PTPRC: variants seen among roughly 807,000 people sequenced by gnomAD.
PTPRC encodes protein tyrosine phosphatase receptor type C, also known as receptor-type tyrosine-protein phosphatase C.
PTPRC carries 44 observed loss-of-function variants against 155.9 expected under a neutral mutation model. That is an observed-to-expected ratio of 0.28 (90% confidence interval 0.22 to 0.36). PTPRC has a LOEUF of 0.36. PTPRC is among the 10% of genes least tolerant of loss of function. The pLI is 1.00. For missense variants in PTPRC, 1,401 were observed against 1,564.6 expected (o/e 0.90, Z 1.76); for synonymous variants, 525 against 533.1 (o/e 0.98, Z 0.21).
chr1:198,645,107 G>A (rs1488286674), intron 2 of PTPRC, among the ~76,000 whole-genome samples: 2 of 151,654 alleles, frequency 1.3e-5, no homozygotes, highest in African/African-American at 4.8e-5. Flanking sequence ...AAAAGTTGAG[G>A]GTAACTCAGG....
chr1:198,718,907 C>A (rs1466993922), intron 14 of PTPRC, among the ~76,000 whole-genome samples: 2 of 152,208 alleles, frequency 1.3e-5, no homozygotes, highest in African/African-American at 2.4e-5. Flanking sequence ...ATCACACACA[C>A]CTTTCTATGT....
At chr1:198,692,906 ATG>A in intron 3 of PTPRC, 1 of 901,736 alleles carries the variant, frequency 1.1e-6, no homozygotes, top group Non-Finnish European at 1.3e-6. Context: ...TGTCTTAATC[ATG>A]AGATAAATTT....
At chr1:198,738,393 A>C (rs755469226) in intron 23 of PTPRC, among the ~76,000 whole-genome samples, 4 of 151,868 alleles carry the variant, frequency 2.6e-5, no homozygotes, top group Non-Finnish European at 4.4e-5. Flanking sequence ...ATTTTTCAGC[A>C]TCAATTGAAA....
At chr1:198,740,018 A>C (rs539593461) in intron 23 of PTPRC, among the ~76,000 whole-genome samples, 13 of 151,834 alleles carry the variant, frequency 8.6e-5, no homozygotes, top group Non-Finnish European at 1.5e-4. Flanking sequence ...TTTTCAAAAC[A>C]AATGAAAATG....
chr1:198,726,443 G>A (rs190138201), intron 15 of PTPRC, among the ~76,000 whole-genome samples: 187 of 151,884 alleles, frequency 1.2e-3, no homozygotes, highest in South Asian at 3.8e-3. Flanking sequence ...TATATATGCC[G>A]GCAGTATAAA....
intron 2 of PTPRC, among the ~76,000 whole-genome samples, chr1:198,681,487 A>G (rs1167594361): frequency 6.6e-6 from 1 of 152,196 alleles, no homozygotes; most frequent in African/African-American, 2.4e-5. Flanking sequence ...GTCGTATTTC[A>G]TATGTGGTGA....
intron 23 of PTPRC, among the ~76,000 whole-genome samples, chr1:198,736,337 C>T (rs1021514329): frequency 6.6e-6 from 1 of 151,582 alleles, no homozygotes; most frequent in African/African-American, 2.4e-5. Context: ...TCCACCCCTG[C>T]CATACCCTTC....
chr1:198,657,131 C>CAA (rs1663636233), intron 2 of PTPRC, among the ~76,000 whole-genome samples: 1 of 151,360 alleles, frequency 6.6e-6, no homozygotes, highest in Non-Finnish European at 1.5e-5. Context: ...TCTAGTAAAG[C>CAA]AAAGTTCATT....
intron 2 of PTPRC, among the ~76,000 whole-genome samples, chr1:198,666,459 T>C (rs1664312691): frequency 6.6e-6 from 1 of 152,034 alleles, no homozygotes; most frequent in Non-Finnish European, 1.5e-5. Context: ...ATTTATCTTA[T>C]AAAGAAAATA....
chr1:198,654,481 C>T (rs1663431975), intron 2 of PTPRC, among the ~76,000 whole-genome samples: 1 of 151,736 alleles, frequency 6.6e-6, no homozygotes, highest in Non-Finnish European at 1.5e-5. Flanking sequence ...ATTACAAGTA[C>T]TAGTTTTTTT....
chr1:198,756,111 C>A lies in PTPRC; in HGVS notation c.3851C>A (p.Thr1284Lys). The A allele has an allele frequency of 6.2e-7, 1 of 1,613,374 alleles. No individual in the cohort carries two copies. The highest frequency in any genetic ancestry group is 8.5e-7 in the Non-Finnish European group (1 of 1,179,644). ...GAACAGGCTGAAGGTTCTGAACCCA[C>A]GAGTGGCACTGAGGGGCCAGAACAT... Reference protein sequence around the residue: ...AKEQAEGSEPTSGTEGPEHSV... With the variant: ...AKEQAEGSEPKSGTEGPEHSV... Residue 1284 changes from threonine (T) to lysine (K), a missense_variant, in exon 33 of 33, where the codon ACG (threonine) becomes AAG (lysine). Thr to Lys is a moderately conservative substitution (Grantham distance 78, BLOSUM62 -1). Transcript: ENST00000442510.
At chr1:198,712,818 T>C in intron 11 of PTPRC, 135 bp from the exon 12 acceptor site, 3 of 958,122 alleles carry the variant, frequency 3.1e-6, no homozygotes, top group Non-Finnish European at 4.8e-6. Context: ...TGAGCCCAGA[T>C]GCATTTCTTT....
chr1:198,719,758 C>A (rs995619516), intron 14 of PTPRC, among the ~76,000 whole-genome samples: 3 of 151,846 alleles, frequency 2.0e-5, no homozygotes, highest in African/African-American at 7.2e-5. Context: ...TTACAGGCAC[C>A]TGCCACCACA....
Position 198,752,684 on chromosome 1 carries a change from A to G in PTPRC, c.3421A>G (p.Ile1141Val), listed in dbSNP as rs982132187. Residue 1141 changes from isoleucine to valine, a missense_variant, in exon 31 of 33, where the codon ATT becomes GTT. Transcript: ENST00000442510. ...AGAACCCAAGGAATTAATCTCTATG[A>G]TTCAGGTCGTCAAACAAAAACTTCC... ...PAEPKELISM[I>V]QVVKQKLPQK... 6 of 1,612,932 alleles carry G rather than the reference A, an allele frequency of 3.7e-6. No homozygotes were observed. The highest frequency in any genetic ancestry group is 5.1e-6 in the Non-Finnish European group (6 of 1,179,338).
At chr1:198,712,899 G>A in intron 11 of PTPRC, 54 bp from the exon 12 acceptor site, 1 of 1,534,812 alleles carries the variant, frequency 6.5e-7, no homozygotes, top group Non-Finnish European at 9.0e-7. Flanking sequence ...TATGAAGAAT[G>A]CTTTATCCAT....
chr1:198,693,972 A>C, intron 3 of PTPRC: 1 of 1,533,166 alleles, frequency 6.5e-7, no homozygotes, highest in East Asian at 2.5e-5. Context: ...TATGAGGGGT[A>C]GTTTATGTGA....
intron 10 of PTPRC, among the ~76,000 whole-genome samples, chr1:198,708,908 G>C (rs1322862013): frequency 6.6e-6 from 1 of 152,226 alleles, no homozygotes; most frequent in Non-Finnish European, 1.5e-5. Context: ...GATGTGCTCA[G>C]GTGTGCATGC....
intron 2 of PTPRC, among the ~76,000 whole-genome samples, chr1:198,687,580 T>G (rs560902910): frequency 6.6e-6 from 1 of 152,012 alleles, no homozygotes; most frequent in Non-Finnish European, 1.5e-5. Flanking sequence ...TCTGCTAACG[T>G]TGATGTAAAA....
intron 23 of PTPRC, among the ~76,000 whole-genome samples, chr1:198,738,855 CA>C (rs1331720571): frequency 6.6e-6 from 1 of 151,286 alleles, no homozygotes; most frequent in East Asian, 2.0e-4. Flanking sequence ...TTTTGGGTAC[CA>C]AAAATAATGG....
Sources: allele counts gnomAD v4.1 joint callset (sites outside exome capture counted in the v4.1 genomes callset), GRCh38; gene constraint gnomAD v4.1.1; transcripts MANE v1.5; gene names NCBI Gene and HGNC (gene_info 2026-07-23, HGNC 2026-07-21).